GSE1: variants seen among roughly 807,000 people sequenced by gnomAD.
GSE1 encodes genetic suppressor element 1.
In GSE1, 32 loss-of-function variants were observed where a neutral mutation model predicts 112.6. The ratio of observed to expected loss-of-function variants is 0.28; its 90% CI spans 0.21 to 0.38. The LOEUF (loss-of-function observed/expected upper bound fraction) is 0.38. GSE1 is among the 10% of genes least tolerant of loss of function. The pLI is 1.00. For missense variants in GSE1, 2,348 were observed against 1,699.2 expected (o/e 1.38, Z -6.71); for synonymous variants, 1,115 against 735.6 (o/e 1.52, Z -8.35).
rs140844341 is a variant in GSE1, at chr16:85,315,136, C to A, written c.2284-42327C>A. On this transcript the variant is annotated intron_variant, in intron 1 of 2. Transcript: ENST00000637419. ...TGGACACAGTGGGCCTTAACATCTT[C>A]CTCTGAGAAGTTCTGAGGGCACCAC... is the stretch of plus-strand genomic sequence containing the variant. 1.2e-3 allele frequency among the ~76,000 whole-genome samples: 178 copies of A among 142,444 alleles called. 1 individual carries two copies. The highest frequency in any genetic ancestry group is 4.3e-3 in the African/African-American group (173 of 39,860). The allele number at this position is 142,444 out of a possible 152,430, so 93.4% of individuals were successfully genotyped here. A position where few individuals can be genotyped will look rare whatever the true frequency, so the allele number is the denominator to read the frequency against.
chr16:85,187,397 C>T (rs904248247), intron 1 of GSE1, among the ~76,000 whole-genome samples: 3 of 152,220 alleles, frequency 2.0e-5, no homozygotes, highest in Admixed American at 6.5e-5. Flanking sequence ...CACCGGGGCC[C>T]CCGCTTCCTG....
Position 85,654,204 on chromosome 16 carries a change from G to A in GSE1, c.427-74G>A, listed in dbSNP as rs549758609. 101 of 1,391,236 alleles carry A rather than the reference G, an allele frequency of 7.3e-5. No homozygotes were observed. In the South Asian group the frequency reaches 1.2e-3, roughly 16 times the overall value. The allele number at this position is 1,391,236 out of a possible 1,614,324, so 86.2% of individuals were successfully genotyped here. On this transcript the variant is annotated intron_variant, in intron 3 of 15. Coordinates refer to ENST00000253458, the MANE Select transcript of GSE1 (RefSeq NM_014615.5). ...AAATCTAGCGCCTTCCCGTGAGTCAGGAGACCTGGCTGTGTCCTGTGGTCA... is the reference window on the plus strand; with the variant it reads ...AAATCTAGCGCCTTCCCGTGAGTCAAGAGACCTGGCTGTGTCCTGTGGTCA...
At chr16:85,294,801 A>C (rs1043321745) in intron 1 of GSE1, among the ~76,000 whole-genome samples, 4 of 151,862 alleles carry the variant, frequency 2.6e-5, no homozygotes, top group Non-Finnish European at 5.9e-5. Context: ...AAGTCCAAAG[A>C]GAGAAGGGGT....
At chr16:85,633,816 C>T (rs995697166) in intron 1 of GSE1, 98 bp from the exon 2 acceptor site, 2 of 901,690 alleles carry the variant, frequency 2.2e-6, no homozygotes, top group African/African-American at 1.7e-5. Flanking sequence ...GCCCCTGCTC[C>T]CTGCCTGCTG....
intron 1 of GSE1, among the ~76,000 whole-genome samples, chr16:85,597,347 CT>C (rs1444033906): frequency 6.3e-5 from 8 of 127,922 alleles, no homozygotes; most frequent in African/African-American, 2.2e-4. Context: ...GCACTCCAGC[CT>C]GGGCAACAGA....
intron 2 of GSE1, among the ~76,000 whole-genome samples, chr16:85,377,907 G>A (rs1476354752): frequency 1.3e-5 from 2 of 152,256 alleles, no homozygotes; most frequent in African/African-American, 2.4e-5. Flanking sequence ...AGGGGAAACC[G>A]CAGGGCCTGG....
At chr16:85,379,684 T>C (rs1488619544) in intron 2 of GSE1, among the ~76,000 whole-genome samples, 2 of 152,220 alleles carry the variant, frequency 1.3e-5, no homozygotes, top group Non-Finnish European at 2.9e-5. Context: ...CCCTGCTCCC[T>C]GCCAGGCCAC....
At chr16:85,634,204 C>G (rs374299844) in intron 2 of GSE1, 72 bp downstream of exon 2, 1 of 1,041,910 alleles carries the variant, frequency 9.6e-7, no homozygotes, top group South Asian at 1.8e-5. Flanking sequence ...CTCCCGCCTG[C>G]GGCGTGCACG....
chr16:85,492,321 T>C (rs888626058), intron 2 of GSE1, among the ~76,000 whole-genome samples: 1 of 152,054 alleles, frequency 6.6e-6, no homozygotes, highest in African/African-American at 2.4e-5. Context: ...GGGACTCAGA[T>C]TCTGTCCCCG....
At chr16:85,264,355 G>A (rs561805364) in intron 1 of GSE1, among the ~76,000 whole-genome samples, 2 of 152,072 alleles carry the variant, frequency 1.3e-5, no homozygotes, top group Non-Finnish European at 2.9e-5. Context: ...TTGGGGGACC[G>A]GGTGAGGTAG....
chr16:85,475,186 TTC>T, intron 2 of GSE1, among the ~76,000 whole-genome samples: 1 of 152,344 alleles, frequency 6.6e-6, no homozygotes, highest in East Asian at 1.9e-4. Flanking sequence ...TCTCCTTTCC[TTC>T]TCTTTCTCCC....
Position 85,666,637 on chromosome 16 carries a change from G to A in GSE1, c.3130+290G>A, listed in dbSNP as rs199524135. On this transcript the variant is annotated intron_variant, in intron 13 of 15. Coordinates refer to ENST00000253458, the MANE Select transcript of GSE1 (RefSeq NM_014615.5). ...GAGGTAAAGGAGTGAACGCCGACAG[G>A]CATTGGTTTTTGCAGAGATTAAAAG... is the stretch of plus-strand genomic sequence containing the variant. 7.1e-6 allele frequency: 3 copies of A among 421,048 alleles called. No homozygotes were observed. The East Asian group carries it at 1.5e-4, about 20-fold the overall frequency. The allele number at this position is 421,048 out of a possible 1,614,324, so 26.1% of individuals were successfully genotyped here. A position where few individuals can be genotyped will look rare whatever the true frequency, so the allele number is the denominator to read the frequency against.
intron 2 of GSE1, among the ~76,000 whole-genome samples, chr16:85,422,808 C>G (rs905294684): frequency 3.3e-5 from 5 of 152,232 alleles, no homozygotes; most frequent in African/African-American, 1.2e-4. Context: ...TCAGCAGACT[C>G]TGGAAAGCAG....
chr16:85,353,531 C>G (rs1243893548), intron 1 of GSE1, among the ~76,000 whole-genome samples: 1 of 152,156 alleles, frequency 6.6e-6, no homozygotes, highest in East Asian at 1.9e-4. Flanking sequence ...GAGAGTTCAA[C>G]TTTAAAAAAT....
In GSE1 at chr16:85,674,078, C is replaced by G. The variant is rs189218188; in HGVS notation, c.*1539C>G. 6.6e-6 allele frequency: 1 copy of G among 152,426 alleles called. No individual in the cohort carries two copies. Among genetic ancestry groups the G allele is most frequent in the East Asian group, 1.9e-4 (1 of 5,192 alleles). The allele number at this position is 152,426 out of a possible 1,614,324, so 9.4% of individuals were successfully genotyped here. On this transcript the variant is annotated 3_prime_UTR_variant, in exon 16 of 16. Transcript: ENST00000253458. ...GAGGCAGTGTTTAGATCAAGAAGGC[C>G]TCTCTTGCTCCCAAGGGCCCTCACC...
At chr16:85,486,111 A>G (rs1222798764) in intron 2 of GSE1, among the ~76,000 whole-genome samples, 1 of 152,080 alleles carries the variant, frequency 6.6e-6, no homozygotes, top group Non-Finnish European at 1.5e-5. Flanking sequence ...CCCCATGCCC[A>G]GTCCCTCCAA....
At chr16:85,232,317 A>G (rs1904295090) in intron 1 of GSE1, among the ~76,000 whole-genome samples, 1 of 152,110 alleles carries the variant, frequency 6.6e-6, no homozygotes, top group African/African-American at 2.4e-5. Context: ...CTGAAATTAA[A>G]TGTTCTGTCC....
At position 85,397,353 on chromosome 16, in the gene GSE1, T is replaced by C. The variant is rs145075116; in HGVS notation, c.2464+39710T>C. ...CTTGGCACTCAAGTGACACTCAGTG[T>C]CTACTCGCTGATGCAGGTGCTGAGC... On this transcript the variant is annotated intron_variant, in intron 2 of 2. Transcript: ENST00000637419. Among the ~76,000 whole-genome samples the C allele has an allele frequency of 2.5e-3, 383 of 152,360 alleles. 3 individuals are homozygous for C. The highest frequency in any genetic ancestry group is 8.8e-3 in the African/African-American group (364 of 41,596).
At chr16:85,636,455 G>C (rs1486147116) in intron 2 of GSE1, among the ~76,000 whole-genome samples, 1 of 152,206 alleles carries the variant, frequency 6.6e-6, no homozygotes. Flanking sequence ...GTCTGGATGG[G>C]GAGGGACTGG....
Sources: allele counts gnomAD v4.1 joint callset (sites outside exome capture counted in the v4.1 genomes callset), GRCh38; gene constraint gnomAD v4.1.1; transcripts MANE v1.5; gene names NCBI Gene and HGNC (gene_info 2026-07-23, HGNC 2026-07-21).